DAB1: variants seen among roughly 807,000 people sequenced by gnomAD.
The protein encoded by DAB1 is disabled homolog 1.
A neutral mutation model predicts 64.6 loss-of-function variants in DAB1; 15 were observed. The observed-to-expected ratio is 0.23, with a 90% CI of 0.16 to 0.36. The LOEUF is 0.36. Among genes scored for constraint, DAB1 ranks in the 10% least tolerant of loss-of-function variants. The probability of loss-of-function intolerance (pLI) is 1.00; values close to 1 mark genes in which losing one functional copy is unlikely to be tolerated. For missense variants in DAB1, 596 were observed against 706.7 expected (o/e 0.84, Z 1.78); for synonymous variants, 235 against 251.9 (o/e 0.93, Z 0.64).
In DAB1 at chr1:57,160,960, G is replaced by C. The variant is rs538491765; in HGVS notation, c.68-15531C>G. On this transcript the variant is annotated intron_variant, in intron 2 of 14. Coordinates refer to ENST00000371236, the MANE Select transcript of DAB1 (RefSeq NM_001365792.1). The stretch of plus-strand genomic sequence containing the variant: ...AACTCCCACGGGATAGTGGGAGCAG[G>C]TGACGCCTTTGCTGCAACTGCATCA... 5.9e-5 allele frequency among the ~76,000 whole-genome samples: 9 copies of C among 152,180 alleles called. No individual in the cohort carries two copies. The East Asian group carries it at 1.7e-3, about 30-fold the overall frequency.
At chr1:58,009,526 G>C (rs926865617) in intron 5 of DAB1, among the ~76,000 whole-genome samples, 6 of 152,186 alleles carry the variant, frequency 3.9e-5, no homozygotes, top group African/African-American at 1.2e-4. Context: ...TTAATAGAGA[G>C]ATAAAAGGAG....
intron 7 of DAB1, among the ~76,000 whole-genome samples, chr1:57,613,520 C>G (rs1645753461): frequency 6.6e-6 from 1 of 152,172 alleles, no homozygotes; most frequent in Admixed American, 6.5e-5. Context: ...ATTAAGTAAC[C>G]AATTTATGTA....
At chr1:57,019,492 G>A (rs1051772094) in intron 11 of DAB1, among the ~76,000 whole-genome samples, 4 of 152,202 alleles carry the variant, frequency 2.6e-5, no homozygotes, top group Non-Finnish European at 4.4e-5. Flanking sequence ...GCAGCACAGG[G>A]TAATTGGGTA....
At chr1:57,323,581 G>A (rs143062823) in intron 1 of DAB1, among the ~76,000 whole-genome samples, 1 of 152,044 alleles carries the variant, frequency 6.6e-6, no homozygotes, top group African/African-American at 2.4e-5. Context: ...TATTTAAACC[G>A]TATCACCAGA....
intron 5 of DAB1, among the ~76,000 whole-genome samples, chr1:58,110,616 C>A (rs1406713636): frequency 6.6e-6 from 1 of 152,184 alleles, no homozygotes; most frequent in Non-Finnish European, 1.5e-5. Flanking sequence ...GATAGCAAAA[C>A]CTGGATTCAA....
chr1:57,955,861 C>T (rs1193007419), intron 5 of DAB1, among the ~76,000 whole-genome samples: 1 of 152,116 alleles, frequency 6.6e-6, no homozygotes, highest in Admixed American at 6.6e-5. Context: ...TTAATATTTG[C>T]TAATTATATG....
intron 2 of DAB1, among the ~76,000 whole-genome samples, chr1:57,241,680 G>A (rs969359799): frequency 6.6e-6 from 1 of 152,182 alleles, no homozygotes; most frequent in Non-Finnish European, 1.5e-5. Context: ...CACTGATATG[G>A]AGTCTAGCCC....
intron 3 of DAB1, among the ~76,000 whole-genome samples, chr1:58,474,582 TG>T (rs1456948590): frequency 6.6e-6 from 1 of 152,156 alleles, no homozygotes; most frequent in African/African-American, 2.4e-5. Context: ...CTGAGGCTGC[TG>T]GGCCTTTTTC....
At chr1:58,281,080 A>C (rs1179827174) in intron 4 of DAB1, among the ~76,000 whole-genome samples, 1 of 152,190 alleles carries the variant, frequency 6.6e-6, no homozygotes, top group Non-Finnish European at 1.5e-5. Context: ...AAGATGAGCA[A>C]GAAGGAAACT....
intron 2 of DAB1, among the ~76,000 whole-genome samples, chr1:57,175,708 C>A (rs1662237655): frequency 2.0e-5 from 3 of 152,142 alleles, no homozygotes. Context: ...AGATAACAGT[C>A]CTCTGGTACA....
chr1:57,939,231 C>G (rs557094622), intron 5 of DAB1, among the ~76,000 whole-genome samples: 5 of 152,058 alleles, frequency 3.3e-5, no homozygotes, highest in Non-Finnish European at 7.4e-5. Context: ...TCTCTGTCCC[C>G]TTATGAGGGC....
chr1:57,834,336 C>G (rs1317177015), intron 1 of DAB1, among the ~76,000 whole-genome samples: 1 of 152,106 alleles, frequency 6.6e-6, no homozygotes, highest in East Asian at 1.9e-4. Flanking sequence ...AAATAAAATA[C>G]ACAGAGGCTA....
chr1:58,026,373 G>C (rs548417564), intron 5 of DAB1, among the ~76,000 whole-genome samples: 44 of 152,290 alleles, frequency 2.9e-4, no homozygotes, highest in Non-Finnish European at 5.0e-4. Flanking sequence ...TTAATGATAA[G>C]AGGGTCACAT....
At position 57,330,059 on chromosome 1, in the gene DAB1, G is replaced by T. The variant is rs372520917; in HGVS notation, c.-136-38893C>A. On this transcript the variant is annotated intron_variant, in intron 1 of 14. Coordinates refer to ENST00000371236, the MANE Select transcript of DAB1 (RefSeq NM_001365792.1). ...AGTGCTGTTTATAGAGGGGTTAGCA[G>T]GGCAATAAGGATCATATTTAGGAAT... Among the ~76,000 whole-genome samples the T allele has an allele frequency of 3.3e-5, 5 of 152,202 alleles. No individual in the cohort carries two copies. In the East Asian group the frequency reaches 5.8e-4, roughly 18 times the overall value.
At chr1:57,464,269 CTT>C (rs1317821050) in intron 7 of DAB1, among the ~76,000 whole-genome samples, 1 of 152,068 alleles carries the variant, frequency 6.6e-6, no homozygotes, top group Admixed American at 6.6e-5. Context: ...ACTTGGGAAT[CTT>C]TTTTATAGGA....
intron 4 of DAB1, among the ~76,000 whole-genome samples, chr1:58,287,314 C>T (rs996628140): frequency 3.3e-5 from 5 of 151,934 alleles, no homozygotes; most frequent in Admixed American, 2.6e-4. Flanking sequence ...GCACATGGAC[C>T]CTGGAACTTA....
chr1:57,314,079 G>A (rs1452578096), intron 1 of DAB1, among the ~76,000 whole-genome samples: 1 of 152,210 alleles, frequency 6.6e-6, no homozygotes, highest in Non-Finnish European at 1.5e-5. Flanking sequence ...GACCAAGACA[G>A]CCATTCTTCA....
intron 1 of DAB1, among the ~76,000 whole-genome samples, chr1:57,412,512 A>T (rs986712653): frequency 6.6e-6 from 1 of 152,238 alleles, no homozygotes; most frequent in African/African-American, 2.4e-5. Flanking sequence ...GGCAAACAAG[A>T]TATAGATTAA....
At chr1:57,513,183 C>G (rs1201385352) in intron 7 of DAB1, among the ~76,000 whole-genome samples, 1 of 151,810 alleles carries the variant, frequency 6.6e-6, no homozygotes, top group Non-Finnish European at 1.5e-5. Context: ...ATTGAGCTCT[C>G]ACTTCACTTC....
Sources: gnomAD v4.1 joint callset for allele counts (sites outside exome capture counted in the v4.1 genomes callset) on GRCh38, gnomAD v4.1.1 for gene constraint, MANE v1.5 for transcripts, NCBI Gene and HGNC (gene_info 2026-07-23, HGNC 2026-07-21) for gene names.